CD72: variants seen among roughly 807,000 people sequenced by gnomAD.
The protein encoded by CD72 is B-cell differentiation antigen CD72.
A neutral mutation model predicts 50.7 loss-of-function variants in CD72; 28 were observed. The ratio of observed to expected loss-of-function variants is 0.55; its 90% CI spans 0.41 to 0.76. CD72 has a LOEUF of 0.76. CD72 is among the 30% of genes least tolerant of loss of function. The probability of loss-of-function intolerance (pLI) is 0.00; values close to 1 mark genes in which losing one functional copy is unlikely to be tolerated. For synonymous variants in CD72, 176 were observed against 171.2 expected (o/e 1.03, Z -0.22); for missense variants, 403 against 420.6 (o/e 0.96, Z 0.37).
At chr9:35,619,290 CT>C (rs1406214326), upstream of CD72, among the ~76,000 whole-genome samples, 1 of 152,098 alleles carries the variant, frequency 6.6e-6, no homozygotes, top group African/African-American at 2.4e-5. Context: ...GGAAAGGGGG[CT>C]GCTGAGCAGG....
At chr9:35,643,410 A>G (rs1823357575) in intron 1 of CD72, 1 of 152,196 alleles carries the variant, frequency 6.6e-6, no homozygotes, top group Non-Finnish European at 1.5e-5. Flanking sequence ...AGATCCAATA[A>G]CAGTCTGCAG....
rs1327699773 is a variant in CD72 at position 35,629,533 on chromosome 9, C to T, written n.409-11412G>A. 2.0e-5 allele frequency among the ~76,000 whole-genome samples: 3 copies of T among 152,094 alleles called. No homozygotes were observed. In the East Asian group the frequency reaches 5.8e-4, roughly 29 times the overall value. On this transcript the variant is annotated intron_variant and non_coding_transcript_variant, in intron 1 of 3. Transcript: ENST00000465754. ...TGCTCTTATTTGGTACAGAGAATTG[C>T]TCAATTATGCATTTGTGGGAGCAAG...
At chr9:35,610,916 C>A (rs1822971065) in intron 7 of CD72, among the ~76,000 whole-genome samples, 163 bp from the exon 8 acceptor site, 1 of 152,144 alleles carries the variant, frequency 6.6e-6, no homozygotes, top group Non-Finnish European at 1.5e-5. Context: ...CTAAAACAGA[C>A]TTTAGAACCA....
intron 7 of CD72, among the ~76,000 whole-genome samples, chr9:35,611,108 G>C (rs577073900): frequency 6.6e-6 from 1 of 152,290 alleles, no homozygotes; most frequent in South Asian, 2.1e-4. Context: ...AAAATTAGCC[G>C]GGCATGGCGG....
In CD72 at chr9:35,610,658, A is replaced by T; in HGVS notation, c.1046T>A (p.Ile349Asn). 6.2e-7 allele frequency: 1 copy of T among 1,614,032 alleles called. No homozygotes were observed. Among genetic ancestry groups the T allele is most frequent in the Non-Finnish European group, 8.5e-7 (1 of 1,179,894 alleles). The change falls in exon 8 of 9, where the codon ATC (isoleucine) becomes AAC (asparagine). Residue 349 changes from isoleucine to asparagine, a missense_variant. Physicochemically the swap from Ile to Asn is moderately radical, Grantham distance 149 (BLOSUM62 -3). Coordinates refer to ENST00000259633, the MANE Select transcript of CD72 (RefSeq NM_001782.3). ...AAACCTGAAAGCTGTCATCTCACAG[A>T]TGTAGGGAAGAGAACTTCTACATGA... ...SESCRSSLPYICEMTAFRFPD is the reference protein window; with the variant it reads ...SESCRSSLPYNCEMTAFRFPD
In CD72 at chr9:35,611,889, G is replaced by A; in HGVS notation, c.865C>T (p.Pro289Ser). 1.2e-6 allele frequency: 2 copies of A among 1,609,040 alleles called. No individual in the cohort carries two copies. Among genetic ancestry groups the A allele is most frequent in the Non-Finnish European group, 8.5e-7 (1 of 1,175,380 alleles). The change falls in exon 7 of 9, where the codon CCA becomes TCA. Residue 289 changes from proline to serine, a missense_variant. Physicochemically the swap from Pro to Ser is moderately conservative, Grantham distance 74. Coordinates refer to ENST00000259633, the MANE Select transcript of CD72 (RefSeq NM_001782.3). ...TATGAATTCCCTGAACCACCATTTG[G>A]CAACAGTGAATTTAAGAAGTAGTAA... ...HSYYFLNSLL[P>S]NGGSGNSYWT... is the part of the protein sequence containing the mutation.
At chr9:35,614,758 T>C (rs939243971) in intron 5 of CD72, among the ~76,000 whole-genome samples, 2 of 152,040 alleles carry the variant, frequency 1.3e-5, no homozygotes, top group African/African-American at 4.8e-5. Context: ...CTCAGCACTT[T>C]GGGAGGCTGA....
intron 1 of CD72, among the ~76,000 whole-genome samples, chr9:35,632,752 T>G (rs891727241): frequency 4.7e-5 from 7 of 149,826 alleles, no homozygotes; most frequent in African/African-American, 1.7e-4. Flanking sequence ...AATTTTTGTA[T>G]TTTTTAGGAG....
rs1041051294 is a variant in CD72 at position 35,641,080 on chromosome 9, C to T, written n.408+5323G>A. On this transcript the variant is annotated intron_variant and non_coding_transcript_variant, in intron 1 of 3. Transcript: ENST00000465754. Reference sequence around the variant, plus strand: ...CTAGTCTTGTCTCTCAGTGCCCCCTCTCAACAGGAAAACCCAAGTGCTGTT... The same window carrying T: ...CTAGTCTTGTCTCTCAGTGCCCCCTTTCAACAGGAAAACCCAAGTGCTGTT... Among the ~76,000 whole-genome samples, 4 of 152,186 alleles carry T rather than the reference C, an allele frequency of 2.6e-5. No homozygotes were observed. The South Asian group carries it at 6.2e-4, about 24-fold the overall frequency.
Position 35,610,747 on chromosome 9 carries a change from A to G in CD72, c.957T>C (p.Tyr319=), listed in dbSNP as rs560462753. The change falls in exon 8 of 9, where the codon TAT becomes TAC. Residue 319 remains tyrosine, a synonymous_variant. Coordinates refer to ENST00000259633, the MANE Select transcript of CD72 (RefSeq NM_001782.3). ...LTDDTQRTRT[Y]AQSSKCNKVH... ...CCTTGTTACATTTTGAGCTTTGAGC[A>G]TAAGTCCTAAAAAGTAGTAAGGTAG... The G allele has an allele frequency of 6.5e-5, 104 of 1,612,192 alleles. No individual in the cohort carries two copies. In the South Asian group the frequency reaches 9.1e-4, roughly 14 times the overall value.
intron 1 of CD72, among the ~76,000 whole-genome samples, chr9:35,629,764 T>C (rs1823226387): frequency 6.6e-6 from 1 of 152,234 alleles, no homozygotes; most frequent in Non-Finnish European, 1.5e-5. Context: ...GGTGTGCTTT[T>C]ACCCACCATG....
At position 35,610,722 on chromosome 9, in the gene CD72, C is replaced by A. The variant is rs1341665536; in HGVS notation, c.982G>T (p.Val328Leu). ...GTCCACCATGACCAAGTTTTATGTA[C>A]CTTGTTACATTTTGAGCTTTGAGCA... Reference protein sequence around the residue: ...TYAQSSKCNKVHKTWSWWTLE... With the variant: ...TYAQSSKCNKLHKTWSWWTLE... Residue 328 changes from valine to leucine, a missense_variant, in exon 8 of 9, where the codon GTA becomes TTA. Physicochemically the swap from Val to Leu is conservative, Grantham distance 32. Transcript: ENST00000259633. 5.0e-6 allele frequency: 8 copies of A among 1,612,300 alleles called. No individual in the cohort carries two copies. The highest frequency in any genetic ancestry group is 5.9e-6 in the Non-Finnish European group (7 of 1,178,648).
intron 5 of CD72, among the ~76,000 whole-genome samples, chr9:35,613,779 G>A (rs1377931648): frequency 2.6e-5 from 4 of 152,128 alleles, no homozygotes; most frequent in Non-Finnish European, 1.5e-5. Context: ...GAGGCGGGGT[G>A]GATCACCTGA....
chr9:35,636,732 C>G (rs144754464), intron 1 of CD72, among the ~76,000 whole-genome samples: 203 of 152,204 alleles, frequency 1.3e-3, no homozygotes, highest in Non-Finnish European at 2.3e-3. Flanking sequence ...GGGTGGATCA[C>G]GAGGTCAGAA....
chr9:35,639,745 G>A (rs7020090), intron 1 of CD72, among the ~76,000 whole-genome samples: 2,867 of 152,204 alleles, frequency 0.019, 88 homozygotes, highest in African/African-American at 0.061. Flanking sequence ...TGGAAGTCTT[G>A]TCTCCAATTT....
chr9:35,630,821 T>G (rs1469602791), intron 1 of CD72, among the ~76,000 whole-genome samples: 4 of 152,166 alleles, frequency 2.6e-5, no homozygotes, highest in African/African-American at 9.7e-5. Flanking sequence ...CCCAGCACTT[T>G]GAGAAGCTGA....
intron 1 of CD72, among the ~76,000 whole-genome samples, chr9:35,635,019 C>CT (rs1205216326): frequency 3.9e-5 from 6 of 152,142 alleles, no homozygotes; most frequent in South Asian, 2.1e-4. Context: ...TTTTGCAAAT[C>CT]TTTTTTTCTT....
chr9:35,628,961 A>G (rs1823219983), intron 1 of CD72, among the ~76,000 whole-genome samples: 1 of 152,084 alleles, frequency 6.6e-6, no homozygotes, highest in Admixed American at 6.6e-5. Flanking sequence ...TGCAGCCTCA[A>G]CCTGCTGGGC....
At chr9:35,616,347 C>T in intron 4 of CD72, 69 bp from the exon 5 acceptor site, 4 of 1,281,208 alleles carry the variant, frequency 3.1e-6, no homozygotes, top group Non-Finnish European at 4.4e-6. Flanking sequence ...ACTGCAGCAT[C>T]AGCCCTTTTT....
Sources: gnomAD v4.1 joint callset for allele counts (sites outside exome capture counted in the v4.1 genomes callset) on GRCh38, gnomAD v4.1.1 for gene constraint, MANE v1.5 for transcripts, NCBI Gene and HGNC (gene_info 2026-07-23, HGNC 2026-07-21) for gene names.